Variants in TMEFF2 observed in about 807,000 individuals in gnomAD.
TMEFF2 encodes tomoregulin-2.
A neutral mutation model predicts 53.8 loss-of-function variants in TMEFF2; 28 were observed. The ratio of observed to expected loss-of-function variants is 0.52; its 90% CI spans 0.39 to 0.71. The LOEUF (loss-of-function observed/expected upper bound fraction) is 0.71, where lower values mean the gene tolerates loss of function less well. TMEFF2 is among the 30% of genes least tolerant of loss of function. TMEFF2 has a pLI of 0.00. For synonymous variants in TMEFF2, 162 were observed against 166.3 expected (o/e 0.97, Z 0.20); for missense variants, 353 against 455.2 (o/e 0.78, Z 2.04).
intron 4 of TMEFF2, among the ~76,000 whole-genome samples, chr2:192,155,808 A>C (rs1690493453): frequency 6.6e-6 from 1 of 152,044 alleles, no homozygotes; most frequent in Non-Finnish European, 1.5e-5. Flanking sequence ...TTGTCAAAAA[A>C]AGAAGAAAAA....
At chr2:192,068,254 G>T (rs1404454874) in intron 4 of TMEFF2, among the ~76,000 whole-genome samples, 3 of 151,858 alleles carry the variant, frequency 2.0e-5, no homozygotes, top group African/African-American at 7.2e-5. Flanking sequence ...TAAAGGTGAA[G>T]GAAAGTCATT....
chr2:192,024,454 GA>G (rs1686923738), intron 5 of TMEFF2, among the ~76,000 whole-genome samples: 1 of 152,198 alleles, frequency 6.6e-6, no homozygotes, highest in African/African-American at 2.4e-5. Flanking sequence ...GTATAGAATA[GA>G]GCTGTGTCAG....
At chr2:192,176,899 A>G (rs1454489564) in intron 4 of TMEFF2, 1 of 151,174 alleles carries the variant, frequency 6.6e-6, no homozygotes, top group Admixed American at 6.6e-5. Context: ...AAGTTTAATG[A>G]TATCATTTAT....
chr2:192,027,374 G>T (rs1452516049), intron 5 of TMEFF2, among the ~76,000 whole-genome samples: 2 of 151,160 alleles, frequency 1.3e-5, no homozygotes, highest in Non-Finnish European at 2.9e-5. Context: ...TATTACATAT[G>T]ATAAAGGCAT....
intron 4 of TMEFF2, among the ~76,000 whole-genome samples, chr2:192,115,011 C>T (rs1261809661): frequency 6.6e-6 from 1 of 151,820 alleles, no homozygotes; most frequent in African/African-American, 2.4e-5. Flanking sequence ...GTCCATACTA[C>T]CCAAAGTGAT....
chr2:192,144,554 T>G (rs1023094166), intron 4 of TMEFF2, among the ~76,000 whole-genome samples: 2 of 152,082 alleles, frequency 1.3e-5, no homozygotes, highest in Admixed American at 1.3e-4. Context: ...TATTCTGTCC[T>G]TTATTTTGTA....
At chr2:192,110,639 A>G (rs1689251391) in intron 4 of TMEFF2, among the ~76,000 whole-genome samples, 1 of 152,180 alleles carries the variant, frequency 6.6e-6, no homozygotes, top group Admixed American at 6.5e-5. Flanking sequence ...ATTTGTTGCA[A>G]TTCTAGCACA....
chr2:191,970,479 GGCA>G (rs1692604627), intron 7 of TMEFF2, among the ~76,000 whole-genome samples: 1 of 151,948 alleles, frequency 6.6e-6, no homozygotes, highest in Admixed American at 6.6e-5. Flanking sequence ...ATATGAAAAT[GGCA>G]GCAGACATTG....
intron 5 of TMEFF2, among the ~76,000 whole-genome samples, chr2:192,037,285 G>C (rs1287329338): frequency 8.1e-6 from 1 of 124,056 alleles, no homozygotes; most frequent in African/African-American, 4.0e-5. Flanking sequence ...AAGAAAGAAA[G>C]AAAGAAAGAA....
intron 7 of TMEFF2, 37 bp from the exon 8 acceptor site, chr2:191,956,415 T>C (rs371478856): frequency 1.5e-4 from 241 of 1,598,930 alleles, no homozygotes; most frequent in Non-Finnish European, 2.0e-4. Flanking sequence ...CCCCTGTAAA[T>C]ACTTAGCCTG....
chr2:192,151,627 C>G (rs1228807490), intron 4 of TMEFF2, among the ~76,000 whole-genome samples: 1 of 151,594 alleles, frequency 6.6e-6, no homozygotes, highest in East Asian at 1.9e-4. Context: ...AAGTTTAGTC[C>G]CCCAGACTAG....
At chr2:192,068,213 C>T (rs1688209776) in intron 4 of TMEFF2, among the ~76,000 whole-genome samples, 1 of 151,790 alleles carries the variant, frequency 6.6e-6, no homozygotes, top group South Asian at 2.1e-4. Flanking sequence ...AATTGCTCTG[C>T]CACTCTAAGG....
At chr2:192,181,117 T>C (rs1418068993) in intron 3 of TMEFF2, among the ~76,000 whole-genome samples, 1 of 151,798 alleles carries the variant, frequency 6.6e-6, no homozygotes, top group African/African-American at 2.4e-5. Flanking sequence ...GAAAGACTGA[T>C]GAATTCATGT....
rs2106056601 is a variant in TMEFF2, at chr2:192,194,619, C to A, written c.-95G>T. The A allele has an allele frequency of 6.8e-7, 1 of 1,466,054 alleles. No individual in the cohort carries two copies. The allele number at this position is 1,466,054 out of a possible 1,614,324, so 90.8% of individuals were successfully genotyped here. A position where few individuals can be genotyped will look rare whatever the true frequency, so the allele number is the denominator to read the frequency against. ...GGGCTACTGAGCATCCCGCGGACGG[C>A]GGCAGCAGAGGCGGCGGCGGTGGCA... is the stretch of plus-strand genomic sequence containing the variant. On this transcript the variant is annotated 5_prime_UTR_variant, in exon 1 of 10. Coordinates refer to ENST00000272771, the MANE Select transcript of TMEFF2 (RefSeq NM_016192.4). This position sits in a 1 kb window ranked among gnomAD's most constrained non-coding sequence, Gnocchi z 4.2.
chr2:192,120,170 T>G (rs2105965128), intron 4 of TMEFF2, among the ~76,000 whole-genome samples: 1 of 152,254 alleles, frequency 6.6e-6, no homozygotes, highest in East Asian at 1.9e-4. Flanking sequence ...CTAAATACCC[T>G]AACAGTAGGA....
At chr2:191,972,355 G>A (rs1692673254) in intron 7 of TMEFF2, among the ~76,000 whole-genome samples, 2 of 134,094 alleles carry the variant, frequency 1.5e-5, no homozygotes, top group Non-Finnish European at 3.1e-5. Context: ...TAGAGATGGA[G>A]TTTCACCATG....
At chr2:192,169,424 G>C (rs546272796) in intron 4 of TMEFF2, among the ~76,000 whole-genome samples, 39 of 152,250 alleles carry the variant, frequency 2.6e-4, no homozygotes, top group Non-Finnish European at 4.7e-4. Flanking sequence ...GTCTGAGGTA[G>C]AGAAAATGAA....
intron 4 of TMEFF2, among the ~76,000 whole-genome samples, chr2:192,147,790 G>A (rs13401750): frequency 0.049 from 7,470 of 152,002 alleles, 511 homozygotes; most frequent in African/African-American, 0.16. Context: ...CTATTGGATG[G>A]CTATGATTTT....
At chr2:192,032,592 G>A (rs1006103356) in intron 5 of TMEFF2, 1 of 152,182 alleles carries the variant, frequency 6.6e-6, no homozygotes, top group Non-Finnish European at 1.5e-5. Flanking sequence ...AATACAAAGA[G>A]ACAGGATTAT....
Sources: gnomAD v4.1 joint callset for allele counts (sites outside exome capture counted in the v4.1 genomes callset) on GRCh38, gnomAD v4.1.1 for gene constraint, Gnocchi (gnomAD v3.1) non-coding constraint, MANE v1.5 for transcripts, NCBI Gene and HGNC (gene_info 2026-07-23, HGNC 2026-07-21) for gene names.